Variants in RBL1 observed in about 807,000 individuals in gnomAD.
The protein encoded by RBL1 is RB transcriptional corepressor like 1.
In RBL1, 82 loss-of-function variants were observed where a neutral mutation model predicts 123.0. The ratio of observed to expected loss-of-function variants is 0.67; its 90% CI spans 0.56 to 0.80. The LOEUF (loss-of-function observed/expected upper bound fraction) is 0.80, where lower values mean the gene tolerates loss of function less well. RBL1 is among the 30% of genes least tolerant of loss of function. The probability of loss-of-function intolerance (pLI) is 0.00; values close to 1 mark genes in which losing one functional copy is unlikely to be tolerated. For missense variants in RBL1, 1,171 were observed against 1,299.6 expected (o/e 0.90, Z 1.52); for synonymous variants, 405 against 441.3 (o/e 0.92, Z 1.03).
In RBL1 at chr20:37,062,193, T is replaced by C. The variant is rs1275484502; in HGVS notation, c.974A>G (p.Asp325Gly). 2 of 1,614,206 alleles carry C rather than the reference T, an allele frequency of 1.2e-6. No homozygotes were observed. The highest frequency in any genetic ancestry group is 1.7e-6 in the Non-Finnish European group (2 of 1,180,030). The change falls in exon 8 of 22, where the codon GAC becomes GGC. Residue 325 changes from aspartate (D) to glycine (G), a missense_variant. Asp to Gly is a moderately conservative substitution (Grantham distance 94, BLOSUM62 -1). Transcript: ENST00000373664. Reference protein sequence around the residue: ...DFDERIFLGADAEEEIGTPRK... With the variant: ...DFDERIFLGAGAEEEIGTPRK... ...AGGTGTTCCAATTTCCTCTTCTGCG[T>C]CTGCTCCCAAAAAGATCCTCTCATC... is the stretch of plus-strand genomic sequence containing the variant.
intron 2 of RBL1, among the ~76,000 whole-genome samples, chr20:37,076,762 C>T (rs182071641): frequency 6.6e-6 from 1 of 152,256 alleles, no homozygotes. Flanking sequence ...GTTTTTACAT[C>T]AGTAAAACCC....
intron 11 of RBL1, chr20:37,049,312 C>T (rs745965298): frequency 2.8e-5 from 18 of 643,982 alleles, no homozygotes; most frequent in African/African-American, 9.0e-5. Context: ...GTTGAACCCT[C>T]GGATACGACA....
chr20:37,035,304 A>T lies in RBL1; in HGVS notation c.2108T>A (p.Leu703Gln). 5 of 1,614,048 alleles carry T rather than the reference A, an allele frequency of 3.1e-6. No individual in the cohort carries two copies. Among genetic ancestry groups the T allele is most frequent in the Non-Finnish European group, 4.2e-6 (5 of 1,179,898 alleles). ...NVSILPGQTL[L>Q]TMATAPVTGT... Reference sequence around the variant, plus strand: ...TGTTACTGGGGCTGTGGCCATTGTTAGAAGAGTTTGACCAGGTAAAATTGA... The same window carrying T: ...TGTTACTGGGGCTGTGGCCATTGTTTGAAGAGTTTGACCAGGTAAAATTGA... Residue 703 changes from leucine to glutamine, a missense_variant, in exon 15 of 22, where the codon CTA (leucine) becomes CAA (glutamine). Physicochemically the swap from Leu to Gln is moderately radical, Grantham distance 113. Coordinates refer to ENST00000373664, the MANE Select transcript of RBL1 (RefSeq NM_002895.5).
intron 10 of RBL1, 123 bp downstream of exon 10, chr20:37,056,023 G>C: frequency 6.9e-7 from 1 of 1,442,550 alleles, no homozygotes; most frequent in African/African-American, 1.5e-5. Flanking sequence ...CTCCAGCCTG[G>C]GCAACTCGGT....
intron 14 of RBL1, among the ~76,000 whole-genome samples, chr20:37,036,429 C>T (rs1394807334): frequency 2.0e-5 from 3 of 151,946 alleles, no homozygotes; most frequent in African/African-American, 7.2e-5. Context: ...AGGCATGTGC[C>T]ACCATGCCTG....
At chr20:37,061,940 A>G in intron 8 of RBL1, 144 bp downstream of exon 8, 2 of 947,424 alleles carry the variant, frequency 2.1e-6, no homozygotes, top group Non-Finnish European at 3.0e-6. Flanking sequence ...CAGTTTTAAA[A>G]ATTACCTTTT....
intron 21 of RBL1, chr20:37,003,453 A>T: frequency 1.5e-6 from 1 of 674,962 alleles, no homozygotes; most frequent in Admixed American, 5.1e-5. Context: ...CCTTCTCAAG[A>T]TCTTGCTTGA....
chr20:37,088,619 T>C (rs1053350803), intron 2 of RBL1, among the ~76,000 whole-genome samples: 4 of 151,406 alleles, frequency 2.6e-5, no homozygotes, highest in Non-Finnish European at 5.9e-5. Flanking sequence ...CTTTGGGAGG[T>C]TGAGGTGGGT....
rs1202558369 is a variant in RBL1 at position 37,056,149 on chromosome 20, T to C, written c.1360A>G (p.Ile454Val). The C allele has an allele frequency of 6.2e-7, 1 of 1,606,362 alleles. No homozygotes were observed. Among genetic ancestry groups the C allele is most frequent in the Non-Finnish European group, 8.5e-7 (1 of 1,178,748 alleles). ...QSTDEQPGSH[I>V]DFAVNRLKLA... is the part of the protein sequence containing the mutation. ...AACTGTAGTTTTCTTTTCTTACCTA[T>C]GTGAGATCCTGGCTGTTCATCTGTT... Residue 454 changes from isoleucine (I) to valine (V), a missense_variant, in exon 10 of 22, where the codon ATA (isoleucine) becomes GTA (valine). By Grantham distance (29) the Ile-to-Val change is conservative. Coordinates refer to ENST00000373664, the MANE Select transcript of RBL1 (RefSeq NM_002895.5).
Position 37,049,567 on chromosome 20 carries a change from G to A in RBL1, c.1468-2377C>T, listed in dbSNP as rs145254439. 4.6e-4 allele frequency: 345 copies of A among 756,200 alleles called. 1 individual carries two copies. In the African/African-American group the frequency reaches 5.0e-3, roughly 11 times the overall value. 46.8% of individuals were successfully genotyped at this position (756,200 alleles called of 1,614,324 possible). On this transcript the variant is annotated intron_variant, in intron 11 of 21. Coordinates refer to ENST00000373664, the MANE Select transcript of RBL1 (RefSeq NM_002895.5). ...TATCCTGAAATATTATAAGGTAGAT[G>A]AGAACGGCAAAATTAGTTGCTTTCG... is the stretch of plus-strand genomic sequence containing the variant.
intron 2 of RBL1, among the ~76,000 whole-genome samples, chr20:37,088,730 G>T (rs2146335862): frequency 6.6e-6 from 1 of 151,902 alleles, no homozygotes; most frequent in East Asian, 1.9e-4. Flanking sequence ...GGGCTTGGTG[G>T]TGTGTGTCTG....
At chr20:37,002,837 C>T (rs2064010672) in intron 21 of RBL1, among the ~76,000 whole-genome samples, 6 of 151,944 alleles carry the variant, frequency 3.9e-5, no homozygotes, top group Admixed American at 3.9e-4. Context: ...CCTGCCTCAG[C>T]CTCCACAGCA....
intron 21 of RBL1, among the ~76,000 whole-genome samples, chr20:37,001,672 C>T: frequency 6.8e-6 from 1 of 146,930 alleles, no homozygotes; most frequent in Non-Finnish European, 1.5e-5. Flanking sequence ...CCTTTGTTCA[C>T]TTATCTGCTG....
chr20:37,089,407 T>C (rs2065610609), intron 1 of RBL1, among the ~76,000 whole-genome samples: 1 of 147,926 alleles, frequency 6.8e-6, no homozygotes, highest in African/African-American at 2.5e-5. Flanking sequence ...TCCCAGTAAC[T>C]CGGGAGGCTG....
chr20:37,020,555 T>C, intron 18 of RBL1, 104 bp downstream of exon 18: 1 of 788,852 alleles, frequency 1.3e-6, no homozygotes, highest in Non-Finnish European at 2.0e-6. Flanking sequence ...AAACAGAAAA[T>C]CTGAAGTATA....
At chr20:37,024,752 T>A (rs2146234055) in intron 16 of RBL1, among the ~76,000 whole-genome samples, 1 of 152,338 alleles carries the variant, frequency 6.6e-6, no homozygotes, top group East Asian at 1.9e-4. Flanking sequence ...TCTGTCAAAC[T>A]TAGGTTAATT....
chr20:37,058,198 A>G (rs1217498158), intron 9 of RBL1, among the ~76,000 whole-genome samples: 2 of 150,980 alleles, frequency 1.3e-5, no homozygotes, highest in Non-Finnish European at 2.9e-5. Context: ...GTCTAGTTAT[A>G]TGAGGATCTC....
Position 37,035,450 on chromosome 20 carries a change from C to G in RBL1, c.1962G>C (p.Gly654=). ...VHERYSSPTA[G]SAKRRLFGED... Reference sequence around the variant, plus strand: ...CTCCAAAGAGTCTTCTCTTAGCACTCCCTGCGGTAGGAGAACTGTAGCGTT... The same window carrying G: ...CTCCAAAGAGTCTTCTCTTAGCACTGCCTGCGGTAGGAGAACTGTAGCGTT... The change falls in exon 15 of 22, where the codon GGG becomes GGC. Residue 654 remains glycine (G), a synonymous_variant. Transcript: ENST00000373664. The G allele has an allele frequency of 1.2e-6, 2 of 1,613,286 alleles. No homozygotes were observed. The highest frequency in any genetic ancestry group is 1.3e-5 in the African/African-American group (1 of 74,988).
intron 9 of RBL1, among the ~76,000 whole-genome samples, chr20:37,060,160 G>T (rs538370851): frequency 6.6e-6 from 1 of 150,720 alleles, no homozygotes; most frequent in Non-Finnish European, 1.5e-5. Flanking sequence ...CAACAAGAGT[G>T]AAACTCTGTC....
Sources: allele counts gnomAD v4.1 joint callset (sites outside exome capture counted in the v4.1 genomes callset), GRCh38; gene constraint gnomAD v4.1.1; transcripts MANE v1.5; gene names NCBI Gene and HGNC (gene_info 2026-07-23, HGNC 2026-07-21).